CNTNAP2: variants seen among roughly 807,000 people sequenced by gnomAD.
CNTNAP2 encodes contactin-associated protein-like 2.
A neutral mutation model predicts 155.2 loss-of-function variants in CNTNAP2; 98 were observed. That is an observed-to-expected ratio of 0.63 (90% CI 0.54 to 0.75). The LOEUF is 0.75. Among genes scored for constraint, CNTNAP2 ranks in the 30% least tolerant of loss-of-function variants. The pLI, the probability that CNTNAP2 is intolerant of heterozygous loss-of-function variation, is 0.00. For missense variants in CNTNAP2, 1,727 were observed against 1,688.1 expected (o/e 1.02, Z -0.40); for synonymous variants, 651 against 631.2 (o/e 1.03, Z -0.47).
chr7:147,299,988 A>G (rs1794911620), intron 8 of CNTNAP2, among the ~76,000 whole-genome samples, 153 bp from the exon 9 acceptor site: 1 of 152,222 alleles, frequency 6.6e-6, no homozygotes. Context: ...ATGATGTTAA[A>G]GAGACATGAG....
intron 10 of CNTNAP2, among the ~76,000 whole-genome samples, chr7:147,433,966 A>C (rs913204050): frequency 6.6e-6 from 1 of 152,222 alleles, no homozygotes; most frequent in Non-Finnish European, 1.5e-5. Flanking sequence ...TGCATTTTAA[A>C]GTATTCAGAA....
At chr7:146,610,802 A>ATCATAT (rs1799124320) in intron 1 of CNTNAP2, among the ~76,000 whole-genome samples, 1 of 152,198 alleles carries the variant, frequency 6.6e-6, no homozygotes, top group South Asian at 2.1e-4. Context: ...ACGTAAACCT[A>ATCATAT]TCCTGAATTG....
At chr7:146,269,506 T>G (rs1324745799) in intron 1 of CNTNAP2, among the ~76,000 whole-genome samples, 2 of 152,234 alleles carry the variant, frequency 1.3e-5, no homozygotes, top group African/African-American at 4.8e-5. Flanking sequence ...AGATCTCTTA[T>G]AAACTTGAAA....
intron 4 of CNTNAP2, among the ~76,000 whole-genome samples, chr7:147,087,779 C>G (rs979031100): frequency 1.4e-4 from 22 of 152,148 alleles, no homozygotes; most frequent in Non-Finnish European, 3.1e-4. Context: ...AGTTTGAAAC[C>G]AGCCTGGACA....
intron 17 of CNTNAP2, among the ~76,000 whole-genome samples, chr7:148,171,414 A>C (rs1585165589): frequency 6.6e-6 from 1 of 152,200 alleles, no homozygotes; most frequent in African/African-American, 2.4e-5. Flanking sequence ...CTTTTATACC[A>C]GCTGCTTTAA....
intron 8 of CNTNAP2, among the ~76,000 whole-genome samples, chr7:147,187,065 A>G (rs1802580994): frequency 1.1e-5 from 1 of 93,746 alleles, no homozygotes; most frequent in South Asian, 3.7e-4. Flanking sequence ...GGGCTGGCAT[A>G]TAAGGAGGAT....
chr7:148,326,195 T>C (rs1349768226), intron 21 of CNTNAP2, among the ~76,000 whole-genome samples: 3 of 151,840 alleles, frequency 2.0e-5, no homozygotes, highest in African/African-American at 4.8e-5. Context: ...CAATGAGAAA[T>C]GTTATACTAA....
intron 9 of CNTNAP2, among the ~76,000 whole-genome samples, chr7:147,334,373 T>C (rs1182759807): frequency 1.3e-5 from 2 of 152,162 alleles, no homozygotes; most frequent in Non-Finnish European, 2.9e-5. Context: ...ATTGGAAAAA[T>C]AACCAATAAC....
chr7:147,506,401 A>T (rs1798907238), intron 11 of CNTNAP2, among the ~76,000 whole-genome samples: 1 of 152,058 alleles, frequency 6.6e-6, no homozygotes, highest in South Asian at 2.1e-4. Flanking sequence ...GATTACAGGC[A>T]TGCACCACCA....
chr7:147,147,711 C>T, intron 8 of CNTNAP2, among the ~76,000 whole-genome samples: 1 of 152,122 alleles, frequency 6.6e-6, no homozygotes, highest in East Asian at 1.9e-4. Context: ...TCTTGTTTTG[C>T]TACTGATAAC....
intron 13 of CNTNAP2, among the ~76,000 whole-genome samples, chr7:147,790,536 C>G (rs527766411): frequency 6.6e-6 from 1 of 152,334 alleles, no homozygotes; most frequent in South Asian, 2.1e-4. Context: ...CTCTACGCTA[C>G]TCTATCCCCA....
At chr7:148,105,528 G>A (rs1443235514) in intron 15 of CNTNAP2, among the ~76,000 whole-genome samples, 5 of 152,008 alleles carry the variant, frequency 3.3e-5, no homozygotes, top group African/African-American at 4.8e-5. Context: ...ATTTGGAACC[G>A]TTGGGATTTG....
At chr7:146,852,542 T>G (rs1794898794) in intron 3 of CNTNAP2, among the ~76,000 whole-genome samples, 1 of 152,208 alleles carries the variant, frequency 6.6e-6, no homozygotes. Flanking sequence ...TACAGTAGTT[T>G]ATTCTGCACT....
intron 8 of CNTNAP2, among the ~76,000 whole-genome samples, chr7:147,144,597 C>A (rs548613101): frequency 6.6e-6 from 1 of 152,192 alleles, no homozygotes; most frequent in East Asian, 1.9e-4. Context: ...TCAGTGTCAT[C>A]GGCATACATA....
intron 2 of CNTNAP2, among the ~76,000 whole-genome samples, chr7:146,806,654 C>G (rs1316014753): frequency 6.6e-6 from 1 of 152,116 alleles, no homozygotes; most frequent in African/African-American, 2.4e-5. Flanking sequence ...GAGCAGGATC[C>G]AGTTCTCAAG....
chr7:146,757,225 C>T lies in CNTNAP2; in HGVS notation c.98-17046C>T, dbSNP rs959449446. Among the ~76,000 whole-genome samples, 6 of 152,156 alleles carry T rather than the reference C, an allele frequency of 3.9e-5. No homozygotes were observed. In the East Asian group the frequency reaches 5.8e-4, roughly 15 times the overall value. ...ATGTTCAAATGAGCAGAGTTGGCAGCGTGTCCTAGGCTTTTTTGACAAAGG... is the reference window on the plus strand; with the variant it reads ...ATGTTCAAATGAGCAGAGTTGGCAGTGTGTCCTAGGCTTTTTTGACAAAGG... On this transcript the variant is annotated intron_variant, in intron 1 of 23. Transcript: ENST00000361727.
At chr7:146,834,551 A>G (rs1177282596) in intron 2 of CNTNAP2, among the ~76,000 whole-genome samples, 1 of 152,180 alleles carries the variant, frequency 6.6e-6, no homozygotes, top group Non-Finnish European at 1.5e-5. Flanking sequence ...AGAAGAAGAG[A>G]GAGAAGGGGA....
At chr7:146,123,965 G>A (rs1459576354) in intron 1 of CNTNAP2, among the ~76,000 whole-genome samples, 2 of 152,142 alleles carry the variant, frequency 1.3e-5, no homozygotes, top group Non-Finnish European at 2.9e-5. Context: ...GGATGAAGCT[G>A]GAAACCATCG....
intron 1 of CNTNAP2, among the ~76,000 whole-genome samples, chr7:146,173,647 A>G (rs1423240169): frequency 6.6e-6 from 1 of 152,164 alleles, no homozygotes; most frequent in Admixed American, 6.5e-5. Context: ...TATTTTTTGT[A>G]ATAGTTGGTA....
Sources: allele counts gnomAD v4.1 joint callset (sites outside exome capture counted in the v4.1 genomes callset), GRCh38; gene constraint gnomAD v4.1.1; transcripts MANE v1.5; gene names NCBI Gene and HGNC (gene_info 2026-07-23, HGNC 2026-07-21).